CDK19: variants seen among roughly 807,000 people sequenced by gnomAD.
CDK19 encodes cyclin dependent kinase 19.
Under a neutral mutation model 68.3 loss-of-function variants are expected in CDK19, and 20 were observed. The ratio of observed to expected loss-of-function variants is 0.29; its 90% CI spans 0.21 to 0.43. The LOEUF is 0.43. Ranked by LOEUF, CDK19 falls within the 20% of genes least tolerant of loss-of-function variation. CDK19 has a pLI of 1.00. For synonymous variants in CDK19, 221 were observed against 222.8 expected (o/e 0.99, Z 0.07); for missense variants, 339 against 623.5 (o/e 0.54, Z 4.86).
intron 1 of CDK19, among the ~76,000 whole-genome samples, chr6:110,769,577 AAAT>A (rs768751177): frequency 1.7e-4 from 25 of 146,358 alleles, no homozygotes; most frequent in African/African-American, 3.6e-4. Flanking sequence ...AAAAAAAAAA[AAAT>A]AATAATAATA....
At chr6:110,631,272 A>G (rs1459909879) in intron 6 of CDK19, among the ~76,000 whole-genome samples, 1 of 152,180 alleles carries the variant, frequency 6.6e-6, no homozygotes, top group East Asian at 1.9e-4. Flanking sequence ...AACAGCTACA[A>G]TGTACTCTCC....
chr6:110,711,625 C>T (rs1470451845), intron 2 of CDK19, among the ~76,000 whole-genome samples: 1 of 152,002 alleles, frequency 6.6e-6, no homozygotes, highest in African/African-American at 2.4e-5. Flanking sequence ...ATCAGGTCTA[C>T]CTTGATGGAG....
At chr6:110,695,869 C>CA (rs1427802825) in intron 2 of CDK19, among the ~76,000 whole-genome samples, 1 of 150,726 alleles carries the variant, frequency 6.6e-6, no homozygotes, top group Non-Finnish European at 1.5e-5. Context: ...AAACTACCAA[C>CA]AAAAAAAGTC....
chr6:110,786,755 G>A (rs1287232371), intron 1 of CDK19, among the ~76,000 whole-genome samples: 2 of 152,128 alleles, frequency 1.3e-5, no homozygotes, highest in African/African-American at 2.4e-5. Flanking sequence ...AACTTTGAGA[G>A]GCAGTCCCTT....
chr6:110,680,849 T>A (rs1051728065), intron 2 of CDK19, among the ~76,000 whole-genome samples: 1 of 151,284 alleles, frequency 6.6e-6, no homozygotes, highest in African/African-American at 2.4e-5. Flanking sequence ...ATACAAAAAT[T>A]AGCCACGTGT....
intron 3 of CDK19, among the ~76,000 whole-genome samples, chr6:110,670,173 G>A (rs928694218): frequency 1.3e-5 from 2 of 151,180 alleles, no homozygotes; most frequent in East Asian, 1.9e-4. Flanking sequence ...CGTCTCCCCC[G>A]GGCCAAAAAA....
chr6:110,661,687 A>T (rs1054161063), intron 4 of CDK19, among the ~76,000 whole-genome samples: 2 of 152,178 alleles, frequency 1.3e-5, no homozygotes. Context: ...TTGTTACTTC[A>T]TTCGGATAGA....
intron 1 of CDK19, among the ~76,000 whole-genome samples, chr6:110,789,398 C>A (rs1781447440): frequency 1.3e-5 from 2 of 152,124 alleles, no homozygotes; most frequent in South Asian, 4.1e-4. Flanking sequence ...CCTGCCTCAG[C>A]CTCCCAGATA....
At chr6:110,757,118 A>C (rs1360084701) in intron 1 of CDK19, among the ~76,000 whole-genome samples, 1 of 152,070 alleles carries the variant, frequency 6.6e-6, no homozygotes, top group Non-Finnish European at 1.5e-5. Flanking sequence ...AACAGACAAA[A>C]CCACACACGG....
intron 1 of CDK19, among the ~76,000 whole-genome samples, chr6:110,792,036 T>C (rs575961043): frequency 6.6e-6 from 1 of 151,654 alleles, no homozygotes; most frequent in South Asian, 2.1e-4. Context: ...AGTGGCATGA[T>C]CTCAGCTCAC....
At chr6:110,667,004 T>C (rs1422652321) in intron 4 of CDK19, among the ~76,000 whole-genome samples, 1 of 152,198 alleles carries the variant, frequency 6.6e-6, no homozygotes, top group Non-Finnish European at 1.5e-5. Flanking sequence ...TTTATTAATA[T>C]TGATAACATT....
chr6:110,785,050 A>G (rs1412434056), intron 1 of CDK19, among the ~76,000 whole-genome samples: 1 of 147,664 alleles, frequency 6.8e-6, no homozygotes, highest in African/African-American at 2.5e-5. Context: ...AATCCTGTGC[A>G]TATGCTAAAA....
At chr6:110,645,480 T>C (rs779681231) in intron 4 of CDK19, among the ~76,000 whole-genome samples, 2 of 152,168 alleles carry the variant, frequency 1.3e-5, no homozygotes, top group South Asian at 2.1e-4. Flanking sequence ...TAATGAGTTA[T>C]GTGCTCAATA....
chr6:110,718,420 ACT>A (rs200086456), intron 2 of CDK19, among the ~76,000 whole-genome samples: 2,151 of 152,116 alleles, frequency 0.014, 51 homozygotes, highest in African/African-American at 0.049. Context: ...GACTAGGAAA[ACT>A]CTATCAACTG....
chr6:110,667,456 T>C lies in CDK19; in HGVS notation c.434A>G (p.Asn145Ser). Residue 145 changes from asparagine to serine, a missense_variant, in exon 4 of 13, where the codon AAT becomes AGT. By Grantham distance (46) the Asn-to-Ser change is conservative (BLOSUM62 1). Around this residue, in one of 4 missense-constraint regions of CDK19, gnomAD observed 120 missense variants for 224.0 expected, o/e 0.54. Transcript: ENST00000368911. ...ILDGIHYLHA[N>S]WVLHRDLKPA... is the part of the protein sequence containing the mutation. ...TACCAAGTCTCTGTGAAGCACCCAA[T>C]TTGCATGGAGGTAATGGATACCATC... 1 of 1,585,510 alleles carries C rather than the reference T, an allele frequency of 6.3e-7. No individual in the cohort carries two copies. The highest frequency in any genetic ancestry group is 8.6e-7 in the Non-Finnish European group (1 of 1,167,016).
At chr6:110,689,109 T>C (rs2114566358) in intron 2 of CDK19, among the ~76,000 whole-genome samples, 1 of 152,260 alleles carries the variant, frequency 6.6e-6, no homozygotes, top group East Asian at 1.9e-4. Context: ...GCATGGGAAC[T>C]GGGTGGGGCT....
At chr6:110,785,138 A>T (rs923223028) in intron 1 of CDK19, among the ~76,000 whole-genome samples, 1 of 151,816 alleles carries the variant, frequency 6.6e-6, no homozygotes, top group Non-Finnish European at 1.5e-5. Context: ...TGGAAAATGC[A>T]CTAATTCATC....
Position 110,660,310 on chromosome 6 carries a change from T to C in CDK19, c.456+7124A>G, listed in dbSNP as rs75304355. On this transcript the variant is annotated intron_variant, in intron 4 of 12. Transcript: ENST00000368911. ...GGTACAGGAGCCGGGGCGAGTACTT[T>C]TGGGTGCCAGCAGGAGCAAAACTCT... Among the ~76,000 whole-genome samples the C allele has an allele frequency of 8.4e-3, 1,281 of 152,140 alleles. 58 individuals carry two copies. In the East Asian group the frequency reaches 0.14, roughly 17 times the overall value.
chr6:110,626,937 C>A, intron 7 of CDK19, 65 bp downstream of exon 7: 1 of 1,467,524 alleles, frequency 6.8e-7, no homozygotes, highest in Non-Finnish European at 9.3e-7. Context: ...TTAAAATATG[C>A]TTTTGAGAAG....
Sources: gnomAD v4.1 joint callset for allele counts (sites outside exome capture counted in the v4.1 genomes callset) on GRCh38, gnomAD v4.1.1 for gene constraint, gnomAD v4.1.1 regional missense constraint, MANE v1.5 for transcripts, NCBI Gene and HGNC (gene_info 2026-07-23, HGNC 2026-07-21) for gene names.